The following ARNT2 variants were observed in gnomAD, a reference collection of about 807,000 sequenced individuals.
The protein encoded by ARNT2 is aryl hydrocarbon receptor nuclear translocator 2, also known as ARNT protein 2.
Under a neutral mutation model 91.7 loss-of-function variants are expected in ARNT2, and 36 were observed. The observed-to-expected ratio is 0.39, with a 90% CI of 0.30 to 0.52. The LOEUF is 0.52. Among genes scored for constraint, ARNT2 ranks in the 20% least tolerant of loss-of-function variants. ARNT2 has a pLI of 0.72. For missense variants in ARNT2, 775 were observed against 939.3 expected, an observed-to-expected ratio of 0.83 and a Z score of 2.29; for synonymous variants, 365 against 347.1, an observed-to-expected ratio of 1.05 and a Z score of -0.57.
intron 17 of ARNT2, among the ~76,000 whole-genome samples, chr15:80,590,149 G>A (rs1250764244): frequency 1.3e-5 from 2 of 152,266 alleles, no homozygotes; most frequent in East Asian, 3.9e-4. Context: ...CCAGGCTGGG[G>A]GTTGGGTGGG....
At chr15:80,580,146 G>A in intron 15 of ARNT2, 2 of 458,274 alleles carry the variant, frequency 4.4e-6, no homozygotes, top group Admixed American at 3.4e-5. Flanking sequence ...GAGTGCGTGG[G>A]AGACCCTGGG....
At chr15:80,426,326 G>A (rs1328818851) in intron 1 of ARNT2, among the ~76,000 whole-genome samples, 2 of 152,174 alleles carry the variant, frequency 1.3e-5, no homozygotes, top group Non-Finnish European at 2.9e-5. Flanking sequence ...AGATAAATGT[G>A]GATTGCTGGT....
rs773013950 is a variant in ARNT2 at position 80,593,674 on chromosome 15, C to A, written c.2130C>A (p.Gly710=). 5.6e-6 allele frequency: 9 copies of A among 1,605,712 alleles called. No homozygotes were observed. Among genetic ancestry groups the A allele is most frequent in the African/African-American group, 2.7e-5 (2 of 74,874 alleles). ...NYNIEDFADL[G]MFPPFSE ...ACATCGAAGACTTTGCCGACCTGGG[C>A]ATGTTTCCACCGTTTTCTGAGTAGC... is the stretch of plus-strand genomic sequence containing the variant. The change falls in exon 19 of 19, where the codon GGC becomes GGA. Residue 710 remains glycine (G), a synonymous_variant. Coordinates refer to ENST00000303329, the MANE Select transcript of ARNT2 (RefSeq NM_014862.4).
intron 8 of ARNT2, among the ~76,000 whole-genome samples, chr15:80,531,876 C>G (rs139866207): frequency 3.3e-5 from 5 of 152,186 alleles, no homozygotes; most frequent in Non-Finnish European, 5.9e-5. Context: ...CTGACCCTAA[C>G]GTCTCTCAGC....
intron 2 of ARNT2, among the ~76,000 whole-genome samples, chr15:80,451,269 G>A (rs1374032242): frequency 6.6e-6 from 1 of 152,232 alleles, no homozygotes; most frequent in African/African-American, 2.4e-5. Context: ...TGAAGGGAGA[G>A]GGCTCACCCG....
At chr15:80,505,339 C>T (rs1897258913) in intron 5 of ARNT2, among the ~76,000 whole-genome samples, 1 of 152,086 alleles carries the variant, frequency 6.6e-6, no homozygotes, top group Admixed American at 6.5e-5. Context: ...CCTTTTTCAG[C>T]CATCCATCCA....
intron 1 of ARNT2, among the ~76,000 whole-genome samples, chr15:80,432,074 C>G (rs1229495204): frequency 6.6e-6 from 1 of 152,222 alleles, no homozygotes; most frequent in Non-Finnish European, 1.5e-5. Context: ...CTGCTGTCTC[C>G]TGAAAGCTCA....
At chr15:80,408,769 A>G (rs1895640801) in intron 1 of ARNT2, among the ~76,000 whole-genome samples, 1 of 152,226 alleles carries the variant, frequency 6.6e-6, no homozygotes, top group African/African-American at 2.4e-5. Flanking sequence ...ACTTATAAGA[A>G]AAAAATGAGC....
intron 5 of ARNT2, among the ~76,000 whole-genome samples, chr15:80,505,231 G>GGTA (rs1434193291): frequency 4.6e-5 from 7 of 152,200 alleles, no homozygotes; most frequent in African/African-American, 1.4e-4. Flanking sequence ...TCACATAAAT[G>GGTA]GTAGAGCCAT....
At chr15:80,483,007 C>T (rs1006345740) in intron 5 of ARNT2, among the ~76,000 whole-genome samples, 7 of 152,222 alleles carry the variant, frequency 4.6e-5, no homozygotes, top group Admixed American at 1.3e-4. Context: ...CTTTACTCCT[C>T]AGAAAGTTGG....
intron 11 of ARNT2, among the ~76,000 whole-genome samples, chr15:80,557,266 C>A (rs1898209158): frequency 6.6e-6 from 1 of 152,162 alleles, no homozygotes; most frequent in South Asian, 2.1e-4. Flanking sequence ...GCTGGTTTCT[C>A]CTCTTCTGCC....
chr15:80,522,786 T>A (rs1360250470), intron 8 of ARNT2, among the ~76,000 whole-genome samples: 2 of 147,216 alleles, frequency 1.4e-5, no homozygotes. Context: ...TATATCTGTT[T>A]GATATTTACA....
intron 5 of ARNT2, among the ~76,000 whole-genome samples, chr15:80,477,122 C>G (rs1161344126): frequency 6.6e-6 from 1 of 152,234 alleles, no homozygotes; most frequent in East Asian, 1.9e-4. Context: ...TTCCTGAGGC[C>G]TCCTCAGAGG....
chr15:80,468,034 C>T (rs1446551592), intron 3 of ARNT2, among the ~76,000 whole-genome samples: 1 of 152,146 alleles, frequency 6.6e-6, no homozygotes, highest in Non-Finnish European at 1.5e-5. Flanking sequence ...ACCCATTCTT[C>T]TCTGGTTACC....
At chr15:80,560,530 T>C (rs781207269) in intron 11 of ARNT2, among the ~76,000 whole-genome samples, 37 of 152,146 alleles carry the variant, frequency 2.4e-4, no homozygotes, top group Non-Finnish European at 3.7e-4. Flanking sequence ...GCTCCTAAGG[T>C]CGTGCCTTCT....
At chr15:80,539,594 G>A (rs1897876411) in intron 8 of ARNT2, among the ~76,000 whole-genome samples, 1 of 152,056 alleles carries the variant, frequency 6.6e-6, no homozygotes, top group Non-Finnish European at 1.5e-5. Flanking sequence ...AAGCCAATAA[G>A]TTAAGGAAAT....
chr15:80,525,841 C>T (rs1212423830), intron 8 of ARNT2, among the ~76,000 whole-genome samples: 3 of 152,182 alleles, frequency 2.0e-5, no homozygotes. Context: ...ATGGGGAATG[C>T]TGCCCTTGCT....
chr15:80,517,457 G>GTATT (rs1428876454), intron 8 of ARNT2, among the ~76,000 whole-genome samples: 1 of 152,030 alleles, frequency 6.6e-6, no homozygotes, highest in African/African-American at 2.4e-5. Flanking sequence ...ATACTGCTTG[G>GTATT]TATTCTCTGA....
At chr15:80,432,043 T>A (rs553045241) in intron 1 of ARNT2, among the ~76,000 whole-genome samples, 1 of 152,358 alleles carries the variant, frequency 6.6e-6, no homozygotes, top group East Asian at 1.9e-4. Context: ...TGTGAAAGTT[T>A]TTCTCCACGG....
Sources: gnomAD v4.1 joint callset for allele counts (sites outside exome capture counted in the v4.1 genomes callset) on GRCh38, gnomAD v4.1.1 for gene constraint, MANE v1.5 for transcripts, NCBI Gene and HGNC (gene_info 2026-07-23, HGNC 2026-07-21) for gene names.